ELF1: variants seen among roughly 807,000 people sequenced by gnomAD.
ELF1 encodes the protein E74 like ETS transcription factor 1, also known as ETS-related transcription factor Elf-1.
Under a neutral mutation model 59.9 loss-of-function variants are expected in ELF1, and 24 were observed. The ratio of observed to expected loss-of-function variants is 0.40; its 90% CI spans 0.29 to 0.56. ELF1 has a LOEUF of 0.56. Ranked by LOEUF, ELF1 falls within the 20% of genes least tolerant of loss-of-function variation. ELF1 has a pLI of 0.44. For missense variants in ELF1, 627 were observed against 742.2 expected (o/e 0.84, Z 1.80); for synonymous variants, 248 against 266.2 (o/e 0.93, Z 0.67).
chr13:40,970,697 C>T (rs1029241650), intron 2 of ELF1, among the ~76,000 whole-genome samples: 16 of 152,188 alleles, frequency 1.1e-4, no homozygotes, highest in African/African-American at 3.9e-4. Flanking sequence ...TTCCCAATGG[C>T]GTTTGTTCTC....
chr13:41,034,788 AT>A (rs1360825686), intron 1 of ELF1, among the ~76,000 whole-genome samples: 27 of 136,148 alleles, frequency 2.0e-4, no homozygotes, highest in Admixed American at 1.6e-3. Context: ...TAATATTCCT[AT>A]TAAAAAAAAA....
intron 1 of ELF1, among the ~76,000 whole-genome samples, chr13:41,059,752 G>A (rs1246342697): frequency 1.3e-5 from 2 of 152,074 alleles, no homozygotes; most frequent in Non-Finnish European, 2.9e-5. Flanking sequence ...ATAAACACAG[G>A]GCTTCTATAT....
At chr13:41,019,894 C>G (rs895715257), upstream of ELF1, among the ~76,000 whole-genome samples, 4 of 152,190 alleles carry the variant, frequency 2.6e-5, no homozygotes, top group South Asian at 2.1e-4. Flanking sequence ...GTGAATTAAA[C>G]TGGTTTACAG....
chr13:41,041,361 T>G (rs1806131423), intron 1 of ELF1, among the ~76,000 whole-genome samples: 1 of 151,940 alleles, frequency 6.6e-6, no homozygotes, highest in African/African-American at 2.4e-5. Flanking sequence ...CACATCTCAT[T>G]TAATCCTCAA....
chr13:40,954,240 A>G (rs1378169814), intron 3 of ELF1, among the ~76,000 whole-genome samples: 1 of 152,218 alleles, frequency 6.6e-6, no homozygotes, highest in Non-Finnish European at 1.5e-5. Context: ...CTTTGTTAAA[A>G]AAAAGGGAGT....
intron 3 of ELF1, among the ~76,000 whole-genome samples, chr13:40,957,610 C>T (rs1006142924): frequency 5.3e-5 from 8 of 152,102 alleles, no homozygotes; most frequent in African/African-American, 1.4e-4. Flanking sequence ...GCTTCCCCTT[C>T]GCCTTCCACC....
At chr13:40,948,188 T>C (rs1220063254) in intron 5 of ELF1, among the ~76,000 whole-genome samples, 4 of 152,222 alleles carry the variant, frequency 2.6e-5, no homozygotes, top group African/African-American at 9.6e-5. Flanking sequence ...CTGAAAAATA[T>C]TTAATGTACA....
intron 8 of ELF1, among the ~76,000 whole-genome samples, chr13:40,937,026 T>C (rs914714057): frequency 4.6e-5 from 7 of 152,204 alleles, no homozygotes; most frequent in Admixed American, 2.6e-4. Context: ...CTATACCATC[T>C]ACGATGCAAA....
At chr13:41,052,117 T>G (rs1311444000) in intron 1 of ELF1, among the ~76,000 whole-genome samples, 2 of 152,052 alleles carry the variant, frequency 1.3e-5, no homozygotes, top group Non-Finnish European at 2.9e-5. Flanking sequence ...TTTTTGTATT[T>G]TTAGTAGAGA....
intron 1 of ELF1, among the ~76,000 whole-genome samples, chr13:41,048,206 C>T (rs1876938581): frequency 6.6e-6 from 1 of 152,210 alleles, no homozygotes; most frequent in South Asian, 2.1e-4. Context: ...AAGGGAATTC[C>T]CTGACCCCTT....
intron 2 of ELF1, among the ~76,000 whole-genome samples, chr13:40,968,184 G>T (rs1872303961): frequency 6.6e-6 from 1 of 152,120 alleles, no homozygotes; most frequent in Non-Finnish European, 1.5e-5. Flanking sequence ...AAAAAGCAGA[G>T]GTCCATCTGA....
chr13:41,024,066 C>T (rs1236505971), upstream of ELF1, among the ~76,000 whole-genome samples: 1 of 152,112 alleles, frequency 6.6e-6, no homozygotes, highest in Non-Finnish European at 1.5e-5. Context: ...CTTTATAAAG[C>T]TCCCAGGTAA....
chr13:40,962,466 T>C (rs574251260), intron 2 of ELF1, among the ~76,000 whole-genome samples: 1 of 151,848 alleles, frequency 6.6e-6, no homozygotes, highest in African/African-American at 2.4e-5. Context: ...GTGGATCACT[T>C]GAGGTCAGGA....
At chr13:40,995,486 T>C (rs1308944455) in intron 1 of ELF1, among the ~76,000 whole-genome samples, 1 of 152,068 alleles carries the variant, frequency 6.6e-6, no homozygotes, top group Non-Finnish European at 1.5e-5. Context: ...TAACCTATAG[T>C]AATCAAGACA....
Position 41,019,312 on chromosome 13 carries a change from A to G in ELF1, c.-313T>C. 21 of 985,402 alleles carry G rather than the reference A, an allele frequency of 2.1e-5. No homozygotes were observed. Among genetic ancestry groups the G allele is most frequent in the Non-Finnish European group, 2.5e-5 (21 of 829,924 alleles). The allele number at this position is 985,402 out of a possible 1,614,324, so 61.0% of individuals were successfully genotyped here. The stretch of plus-strand genomic sequence containing the variant: ...TTTTAGCTGTTAAAATGGCTCCTGT[A>G]GATTGGGGAAGTGGTGTCTGTGCTT... On this transcript the variant is annotated 5_prime_UTR_variant, in exon 1 of 9. Coordinates refer to ENST00000239882, the MANE Select transcript of ELF1 (RefSeq NM_172373.4).
intron 1 of ELF1, among the ~76,000 whole-genome samples, chr13:40,995,205 C>T (rs1874069731): frequency 6.6e-6 from 1 of 152,204 alleles, no homozygotes. Flanking sequence ...GCCCTTACTA[C>T]CTCTATTCTA....
chr13:40,957,709 G>A, intron 3 of ELF1, among the ~76,000 whole-genome samples: 1 of 152,016 alleles, frequency 6.6e-6, no homozygotes. Flanking sequence ...TTCTTTATAA[G>A]TATTACCCAG....
intron 2 of ELF1, among the ~76,000 whole-genome samples, chr13:40,977,614 G>A (rs1465608941): frequency 6.6e-6 from 1 of 152,080 alleles, no homozygotes; most frequent in Admixed American, 6.5e-5. Context: ...CTAATCTGGT[G>A]CCTTCAGTGA....
intron 8 of ELF1, among the ~76,000 whole-genome samples, chr13:40,936,203 G>A (rs77419017): frequency 0.065 from 9,913 of 152,120 alleles, 783 homozygotes; most frequent in East Asian, 0.36. Context: ...CTGCAGAGCC[G>A]ATGTGCCGCC....
Sources: allele counts gnomAD v4.1 joint callset (sites outside exome capture counted in the v4.1 genomes callset), GRCh38; gene constraint gnomAD v4.1.1; transcripts MANE v1.5; gene names NCBI Gene and HGNC (gene_info 2026-07-23, HGNC 2026-07-21).